DMC1: variants seen among roughly 807,000 people sequenced by gnomAD.
DMC1 encodes meiotic recombination protein DMC1 homolog.
In DMC1, 27 loss-of-function variants were observed where a neutral mutation model predicts 50.1. That is an observed-to-expected ratio of 0.54 (90% CI 0.40 to 0.74). The LOEUF (loss-of-function observed/expected upper bound fraction) is 0.74, where lower values mean the gene tolerates loss of function less well. Among genes scored for constraint, DMC1 ranks in the 30% least tolerant of loss-of-function variants. The probability of loss-of-function intolerance (pLI) is 0.00; values close to 1 mark genes in which losing one functional copy is unlikely to be tolerated. For missense variants in DMC1, 295 were observed against 420.2 expected (o/e 0.70, Z 2.60); for synonymous variants, 148 against 136.1 (o/e 1.09, Z -0.61).
intron 8 of DMC1, among the ~76,000 whole-genome samples, chr22:38,541,897 T>G (rs567278109): frequency 3.3e-5 from 5 of 151,790 alleles, no homozygotes; most frequent in Non-Finnish European, 5.9e-5. Flanking sequence ...GTCTCAGGGA[T>G]GCAAGGATGG....
intron 5 of DMC1, among the ~76,000 whole-genome samples, chr22:38,556,775 C>T (rs1436921456): frequency 6.6e-6 from 1 of 152,076 alleles, no homozygotes; most frequent in African/African-American, 2.4e-5. Context: ...GATCACAGGT[C>T]AGACAAAAAT....
chr22:38,531,195 T>C (rs1362641396), intron 12 of DMC1, among the ~76,000 whole-genome samples: 1 of 152,206 alleles, frequency 6.6e-6, no homozygotes, highest in African/African-American at 2.4e-5. Flanking sequence ...GTCTTATTTG[T>C]TGTTCATCTT....
intron 4 of DMC1, among the ~76,000 whole-genome samples, chr22:38,565,556 T>C (rs2090572876): frequency 6.6e-6 from 1 of 152,266 alleles, no homozygotes. Flanking sequence ...CTGCTACTTC[T>C]GGGCATACTG....
At chr22:38,549,751 T>C in intron 8 of DMC1, 174 bp downstream of exon 8, 1 of 601,522 alleles carries the variant, frequency 1.7e-6, no homozygotes, top group Non-Finnish European at 3.0e-6. Flanking sequence ...AAGTGAAACC[T>C]CATTAAATAC....
chr22:38,547,427 C>T (rs1442684612), intron 8 of DMC1, among the ~76,000 whole-genome samples: 1 of 152,216 alleles, frequency 6.6e-6, no homozygotes, highest in Non-Finnish European at 1.5e-5. Flanking sequence ...CTTGGAGAGG[C>T]AGGCTGGGGC....
At chr22:38,522,277 T>C (rs901320754) in intron 12 of DMC1, among the ~76,000 whole-genome samples, 1 of 149,118 alleles carries the variant, frequency 6.7e-6, no homozygotes, top group African/African-American at 2.5e-5. Context: ...GATTACTGGC[T>C]GGGCTCGGTG....
At chr22:38,522,976 C>T (rs1305512215) in intron 12 of DMC1, among the ~76,000 whole-genome samples, 3 of 152,138 alleles carry the variant, frequency 2.0e-5, no homozygotes, top group Admixed American at 2.0e-4. Flanking sequence ...GACACTATGG[C>T]ACATATCTGT....
At chr22:38,560,403 T>C (rs2090514687) in intron 5 of DMC1, among the ~76,000 whole-genome samples, 1 of 150,766 alleles carries the variant, frequency 6.6e-6, no homozygotes, top group Non-Finnish European at 1.5e-5. Context: ...GAGAGGACTT[T>C]GGCTTCTTTT....
chr22:38,542,669 A>G (rs1022394716), intron 8 of DMC1, among the ~76,000 whole-genome samples: 1 of 152,208 alleles, frequency 6.6e-6, no homozygotes, highest in Non-Finnish European at 1.5e-5. Flanking sequence ...CTATCAAAAT[A>G]CCAATGACAT....
intron 8 of DMC1, among the ~76,000 whole-genome samples, chr22:38,548,410 C>T (rs1365040286): frequency 6.6e-6 from 1 of 152,006 alleles, no homozygotes; most frequent in Non-Finnish European, 1.5e-5. Context: ...CTGGTCTCTA[C>T]AAAAGATAAA....
At chr22:38,524,899 TA>T (rs1023085245) in intron 12 of DMC1, among the ~76,000 whole-genome samples, 1 of 151,902 alleles carries the variant, frequency 6.6e-6, no homozygotes, top group Non-Finnish European at 1.5e-5. Context: ...CCGTCTCTAC[TA>T]AAAATACAAA....
intron 4 of DMC1, 83 bp from the exon 5 acceptor site, chr22:38,562,452 C>A: frequency 2.1e-6 from 2 of 931,624 alleles, no homozygotes; most frequent in South Asian, 1.3e-5. Context: ...ATGATATACT[C>A]AGTTATTAAG....
chr22:38,514,445 T>A (rs1431584585), downstream of DMC1, among the ~76,000 whole-genome samples: 1 of 151,878 alleles, frequency 6.6e-6, no homozygotes, highest in Non-Finnish European at 1.5e-5. Context: ...GGTTTCACCA[T>A]GTTGGCCAGG....
chr22:38,522,083 C>G (rs1196206798), intron 12 of DMC1, among the ~76,000 whole-genome samples: 1 of 151,840 alleles, frequency 6.6e-6, no homozygotes, highest in Non-Finnish European at 1.5e-5. Context: ...TCCCAGGTAG[C>G]TGGGATTACA....
chr22:38,516,602 C>T (rs2089978320), downstream of DMC1, among the ~76,000 whole-genome samples: 1 of 152,026 alleles, frequency 6.6e-6, no homozygotes, highest in Admixed American at 6.6e-5. Flanking sequence ...TCAGATGTCG[C>T]CACAGGAGGA....
intron 13 of DMC1, among the ~76,000 whole-genome samples, chr22:38,520,649 C>G (rs960834715): frequency 6.6e-6 from 1 of 151,780 alleles, no homozygotes; most frequent in Non-Finnish European, 1.5e-5. Flanking sequence ...TGAGCCACTG[C>G]GCCTGGCCAA....
At chr22:38,562,519 G>A (rs1040221320) in intron 4 of DMC1, 150 bp from the exon 5 acceptor site, 1 of 636,822 alleles carries the variant, frequency 1.6e-6, no homozygotes, top group Non-Finnish European at 2.8e-6. Flanking sequence ...ACAAGATTAT[G>A]GTTAGGAACA....
intron 5 of DMC1, 60 bp from the exon 6 acceptor site, chr22:38,555,469 A>G: frequency 9.0e-7 from 1 of 1,108,176 alleles, no homozygotes; most frequent in East Asian, 2.4e-5. Flanking sequence ...AAGAGAGGAG[A>G]AAGTATTCAT....
At chr22:38,511,843 A>G in the DMC1 span, among the ~76,000 whole-genome samples, 1 of 152,110 alleles carries the variant, frequency 6.6e-6, no homozygotes, top group East Asian at 1.9e-4. Flanking sequence ...GTATTTTCCT[A>G]CCTCTTTTGT....
Sources: gnomAD v4.1 joint callset for allele counts (sites outside exome capture counted in the v4.1 genomes callset) on GRCh38, gnomAD v4.1.1 for gene constraint, MANE v1.5 for transcripts, NCBI Gene and HGNC (gene_info 2026-07-23, HGNC 2026-07-21) for gene names.